Variants in ZFHX3 observed in about 807,000 individuals in gnomAD.
ZFHX3 encodes the protein zinc finger homeobox 3.
In ZFHX3, 42 loss-of-function variants were observed where a neutral mutation model predicts 279.1. The observed-to-expected ratio is 0.15, with a 90% CI of 0.12 to 0.19. ZFHX3 has a LOEUF of 0.19. ZFHX3 is among the 10% of genes least tolerant of loss of function. The pLI is 1.00. For missense variants in ZFHX3, 4,981 were observed against 4,754.0 expected (o/e 1.05, Z -1.40); for synonymous variants, 2,293 against 1,957.8 (o/e 1.17, Z -4.52).
intron 3 of ZFHX3, among the ~76,000 whole-genome samples, chr16:72,904,012 C>T (rs1176544201): frequency 2.0e-5 from 3 of 152,198 alleles, no homozygotes; most frequent in African/African-American, 7.2e-5. Context: ...CAACAGCATC[C>T]CACAGGCTGG....
At chr16:72,824,273 C>T (rs2036877747) in intron 5 of ZFHX3, among the ~76,000 whole-genome samples, 1 of 152,224 alleles carries the variant, frequency 6.6e-6, no homozygotes. Flanking sequence ...TTTTCCCTAA[C>T]AGTCACCCAG....
chr16:72,908,253 G>C (rs980317428), intron 3 of ZFHX3, among the ~76,000 whole-genome samples: 15 of 152,238 alleles, frequency 9.9e-5, no homozygotes, highest in African/African-American at 2.2e-4. Context: ...ATGGGAATGG[G>C]AGTGAGCAGC....
At chr16:73,612,934 A>G (rs2380348) in intron 2 of ZFHX3, among the ~76,000 whole-genome samples, 86,509 of 151,454 alleles carry the variant, frequency 0.57, 27,841 homozygotes, top group East Asian at 0.82. Context: ...TAAAAAAAGG[A>G]GGAGATGAGG....
intron 4 of ZFHX3, among the ~76,000 whole-genome samples, chr16:73,264,488 A>C (rs1200453542): frequency 6.6e-6 from 1 of 152,178 alleles, no homozygotes; most frequent in African/African-American, 2.4e-5. Flanking sequence ...GAATGCCCCA[A>C]GATTTTCCCA....
intron 1 of ZFHX3, among the ~76,000 whole-genome samples, chr16:73,842,702 A>C (rs918454716): frequency 6.6e-6 from 1 of 152,116 alleles, no homozygotes; most frequent in Admixed American, 6.5e-5. Context: ...ACTTGCCTCT[A>C]ATTTTATTCC....
At chr16:73,091,427 T>A (rs1016143755) in intron 8 of ZFHX3, among the ~76,000 whole-genome samples, 3 of 152,122 alleles carry the variant, frequency 2.0e-5, no homozygotes, top group African/African-American at 7.2e-5. Flanking sequence ...GAATCCCTCT[T>A]TCTTGGATCA....
intron 4 of ZFHX3, among the ~76,000 whole-genome samples, chr16:73,308,953 A>G (rs1266745234): frequency 2.0e-5 from 3 of 152,074 alleles, no homozygotes; most frequent in African/African-American, 7.2e-5. Context: ...AGAATTACCA[A>G]TGAGGAAGTT....
intron 2 of ZFHX3, among the ~76,000 whole-genome samples, chr16:73,459,873 GA>G (rs1175353354): frequency 1.4e-4 from 21 of 152,146 alleles, no homozygotes; most frequent in Admixed American, 1.4e-3. Flanking sequence ...CAGCATGGGG[GA>G]AACCACCCCC....
chr16:72,843,513 TAAAAAAAA>T (rs59007764), intron 4 of ZFHX3, among the ~76,000 whole-genome samples: 2 of 39,464 alleles, frequency 5.1e-5, no homozygotes, highest in East Asian at 1.3e-3. Flanking sequence ...AGACTCCGTC[TAAAAAAAA>T]AAAAAAAAAA....
chr16:73,154,037 T>A (rs773234002), intron 5 of ZFHX3, among the ~76,000 whole-genome samples: 8 of 152,138 alleles, frequency 5.3e-5, no homozygotes, highest in Non-Finnish European at 1.0e-4. Flanking sequence ...AAATCACACG[T>A]CTGCAGAGAT....
At chr16:73,665,956 C>T (rs1259872609) in intron 2 of ZFHX3, among the ~76,000 whole-genome samples, 1 of 151,340 alleles carries the variant, frequency 6.6e-6, no homozygotes, top group Non-Finnish European at 1.5e-5. Context: ...ACTGGGACTA[C>T]AGGAGACCAC....
In ZFHX3 at chr16:73,196,751, C is replaced by A. The variant is rs376450052; in HGVS notation, c.-1103-52920G>T. ...ATAATAGACCCATACGTGTAGGTGG[C>A]ACTTAAAAAATACCATTCACCAGAA... is the stretch of plus-strand genomic sequence containing the variant. On this transcript the variant is annotated intron_variant, in intron 5 of 17. Coordinates refer to the ZFHX3 transcript ENST00000641206. 7.2e-5 allele frequency among the ~76,000 whole-genome samples: 11 copies of A among 152,244 alleles called. No individual in the cohort carries two copies. The East Asian group carries it at 1.2e-3, about 16-fold the overall frequency.
chr16:73,268,478 T>C (rs1187288705), intron 4 of ZFHX3, among the ~76,000 whole-genome samples: 1 of 152,194 alleles, frequency 6.6e-6, no homozygotes, highest in Non-Finnish European at 1.5e-5. Context: ...TCTCAGCCAC[T>C]GGCGCTGCGC....
chr16:73,665,525 C>T (rs554391649), intron 2 of ZFHX3, among the ~76,000 whole-genome samples: 8 of 151,720 alleles, frequency 5.3e-5, no homozygotes, highest in South Asian at 2.1e-4. Flanking sequence ...GACCATTGTA[C>T]ATTTAAGAAG....
At chr16:73,273,608 C>T (rs573190383) in intron 4 of ZFHX3, among the ~76,000 whole-genome samples, 1 of 152,250 alleles carries the variant, frequency 6.6e-6, no homozygotes, top group South Asian at 2.1e-4. Context: ...AAATAAATCC[C>T]AGAGATGTTT....
chr16:73,168,220 TTTCTTTC>T (rs1967428836), intron 5 of ZFHX3, among the ~76,000 whole-genome samples: 1 of 116,608 alleles, frequency 8.6e-6, no homozygotes, highest in Non-Finnish European at 1.8e-5. Flanking sequence ...GTTTTCTTTC[TTTCTTTC>T]TTTCTTTCTT....
intron 1 of ZFHX3, among the ~76,000 whole-genome samples, chr16:73,859,727 G>A (rs1961831890): frequency 6.7e-6 from 1 of 149,882 alleles, no homozygotes; most frequent in African/African-American, 2.5e-5. Context: ...TTAGCAAGGA[G>A]AAAGGTGAAA....
intron 6 of ZFHX3, among the ~76,000 whole-genome samples, chr16:73,142,845 G>T (rs915506264): frequency 1.3e-5 from 2 of 152,200 alleles, no homozygotes; most frequent in African/African-American, 4.8e-5. Flanking sequence ...CCATTTCATG[G>T]ATGGAGAAAC....
intron 3 of ZFHX3, among the ~76,000 whole-genome samples, chr16:72,949,560 C>T (rs537121557): frequency 1.3e-5 from 2 of 152,074 alleles, no homozygotes; most frequent in African/African-American, 4.8e-5. Flanking sequence ...ACCTCCCCCT[C>T]GGTTGCCGTC....
Sources: gnomAD v4.1 joint callset for allele counts (sites outside exome capture counted in the v4.1 genomes callset) on GRCh38, gnomAD v4.1.1 for gene constraint, MANE v1.5 for transcripts, NCBI Gene and HGNC (gene_info 2026-07-23, HGNC 2026-07-21) for gene names.